Variants in PTP4A1 observed in about 807,000 individuals in gnomAD.
The protein encoded by PTP4A1 is protein tyrosine phosphatase type IVA 1.
PTP4A1 carries 9 observed loss-of-function variants against 20.5 expected under a neutral mutation model. The ratio of observed to expected loss-of-function variants is 0.44; its 90% CI spans 0.26 to 0.77. The LOEUF (loss-of-function observed/expected upper bound fraction) is 0.77, where lower values mean the gene tolerates loss of function less well. Ranked by LOEUF, PTP4A1 falls within the 30% of genes least tolerant of loss-of-function variation. PTP4A1 has a pLI of 0.19. For missense variants in PTP4A1, 137 were observed against 218.8 expected (o/e 0.63, Z 2.36); for synonymous variants, 78 against 67.4 (o/e 1.16, Z -0.77).
intron 2 of PTP4A1, chr6:63,549,165 A>G (rs751148058): frequency 1.5e-6 from 1 of 686,058 alleles, no homozygotes. Flanking sequence ...GGCCAGGGCC[A>G]ACAGCCTCTG....
chr6:63,533,907 G>A (rs1775587522), intron 2 of PTP4A1, among the ~76,000 whole-genome samples: 1 of 149,722 alleles, frequency 6.7e-6, no homozygotes, highest in South Asian at 2.1e-4. Context: ...TCAGTGGTGT[G>A]ATCTCGGCTC....
chr6:63,547,663 G>A (rs763980901), intron 2 of PTP4A1, among the ~76,000 whole-genome samples: 4 of 150,998 alleles, frequency 2.6e-5, no homozygotes, highest in Non-Finnish European at 4.4e-5. Context: ...CCACCACCAC[G>A]CCTGGCTAAT....
intron 3 of PTP4A1, among the ~76,000 whole-genome samples, chr6:63,563,039 T>A (rs1287249552): frequency 6.6e-6 from 1 of 152,236 alleles, no homozygotes; most frequent in African/African-American, 2.4e-5. Flanking sequence ...TCCATATTTC[T>A]AATCTCTCCA....
intron 2 of PTP4A1, among the ~76,000 whole-genome samples, chr6:63,540,644 A>G (rs1447346016): frequency 1.3e-5 from 2 of 151,762 alleles, no homozygotes; most frequent in Non-Finnish European, 2.9e-5. Context: ...AAAAGAAAAG[A>G]AAAAAGAAAA....
rs1056843513 is a variant in PTP4A1, at chr6:63,582,495, T to C, written c.*2321T>C. On this transcript the variant is annotated 3_prime_UTR_variant, in exon 6 of 6. Coordinates refer to ENST00000626021, the MANE Select transcript of PTP4A1 (RefSeq NM_003463.5). ...ATATTTTGTATCTTGTAAATATGGC[T>C]AATTATAGGAATGCCTATAATACAT... is the stretch of plus-strand genomic sequence containing the variant. The C allele has an allele frequency of 6.6e-6, 1 of 152,654 alleles. No individual in the cohort carries two copies. The highest frequency in any genetic ancestry group is 2.4e-5 in the African/African-American group (1 of 41,456). The allele number at this position is 152,654 out of a possible 1,614,324, so 9.5% of individuals were successfully genotyped here.
chr6:63,568,934 A>C (rs1349156217), upstream of PTP4A1, among the ~76,000 whole-genome samples: 2 of 151,972 alleles, frequency 1.3e-5, no homozygotes, highest in Non-Finnish European at 2.9e-5. Context: ...CCTCTATTAC[A>C]TATATTTGCT....
chr6:63,552,617 T>C (rs1028747375), intron 3 of PTP4A1, among the ~76,000 whole-genome samples: 3 of 152,256 alleles, frequency 2.0e-5, no homozygotes, highest in Admixed American at 6.5e-5. Flanking sequence ...CCCATGCCTA[T>C]GTCCTGAATG....
chr6:63,539,688 G>A (rs1187721135), intron 2 of PTP4A1, among the ~76,000 whole-genome samples: 1 of 151,998 alleles, frequency 6.6e-6, no homozygotes, highest in Non-Finnish European at 1.5e-5. Flanking sequence ...GGAATTGCTT[G>A]AACCCGGGAG....
At chr6:63,529,887 A>C (rs530272599) in intron 2 of PTP4A1, among the ~76,000 whole-genome samples, 1 of 152,354 alleles carries the variant, frequency 6.6e-6, no homozygotes, top group South Asian at 2.1e-4. Context: ...ATATGTCTGC[A>C]GTTACCAGTA....
rs1778140711 is a variant in PTP4A1, at chr6:63,580,232, ACATATTAGCCAAC to A, written c.*59_*71del. The A allele has an allele frequency of 1.5e-6, 2 of 1,331,506 alleles. No homozygotes were observed. Among genetic ancestry groups the A allele is most frequent in the East Asian group, 4.6e-5 (2 of 43,468 alleles). 82.5% of individuals were successfully genotyped at this position (1,331,506 alleles called of 1,614,324 possible). A position where few individuals can be genotyped will look rare whatever the true frequency, so the allele number is the denominator to read the frequency against. ...CTTGAGATAGGGCCTAATTTGTTAT[ACATATTAGCCAAC>A]ATGTTGGCTTAGTAAGTCTAATGAA... is the stretch of plus-strand genomic sequence containing the variant. On this transcript the variant is annotated 3_prime_UTR_variant, in exon 6 of 6. Transcript: ENST00000626021.
intron 1 of PTP4A1, among the ~76,000 whole-genome samples, chr6:63,575,216 A>T (rs181835965): frequency 9.7e-4 from 148 of 152,348 alleles, no homozygotes; most frequent in Non-Finnish European, 1.1e-3. Flanking sequence ...AAATTTAAGC[A>T]TGGAAACTAA....
At chr6:63,560,862 G>A (rs1348066587) in intron 3 of PTP4A1, among the ~76,000 whole-genome samples, 2 of 152,168 alleles carry the variant, frequency 1.3e-5, no homozygotes, top group African/African-American at 4.8e-5. Flanking sequence ...TACACTTAGA[G>A]TAGCATTAGT....
intron 2 of PTP4A1, chr6:63,549,474 ACCTTCT>A: frequency 1.3e-6 from 1 of 789,556 alleles, no homozygotes. Context: ...GGCCGGAGCC[ACCTTCT>A]TTCCCTTGGC....
chr6:63,530,088 T>C lies in PTP4A1; in HGVS notation c.-640+2004T>C, dbSNP rs181348497. On this transcript the variant is annotated intron_variant, in intron 2 of 3. Coordinates refer to the PTP4A1 transcript ENST00000639568. ...AGGGCAAGGATAATAACAGTATAGA[T>C]TTCTGAAAATGAGCCGATAGAAAAT... 4.4e-3 allele frequency among the ~76,000 whole-genome samples: 666 copies of C among 152,244 alleles called. 6 individuals carry two copies. Among genetic ancestry groups the C allele is most frequent in the Non-Finnish European group, 6.8e-3 (460 of 68,018 alleles).
In PTP4A1 at chr6:63,559,781, A is replaced by C. The variant is rs190836478; in HGVS notation, c.-446+9288A>C. Among the ~76,000 whole-genome samples the C allele has an allele frequency of 2.3e-3, 348 of 152,094 alleles. 2 individuals are homozygous for C. The highest frequency in any genetic ancestry group is 7.9e-3 in the African/African-American group (330 of 41,514). ...AAAAAAATGAATTTCACAGCCAGGC[A>C]TGGTCGTTCATGCATATAATACTAG... On this transcript the variant is annotated intron_variant, in intron 3 of 3. Coordinates refer to the PTP4A1 transcript ENST00000639568.
At position 63,572,581 on chromosome 6, in the gene PTP4A1, G is replaced by T. The variant is rs1012866929; in HGVS notation, c.-584G>T. 9.6e-6 allele frequency: 4 copies of T among 414,738 alleles called. No homozygotes were observed. The highest frequency in any genetic ancestry group is 3.5e-5 in the East Asian group (1 of 28,428). The allele number at this position is 414,738 out of a possible 1,614,324, so 25.7% of individuals were successfully genotyped here. A position where few individuals can be genotyped will look rare whatever the true frequency, so the allele number is the denominator to read the frequency against. On this transcript the variant is annotated 5_prime_UTR_variant, in exon 1 of 6. Transcript: ENST00000626021. ...GGTAGAGTCTGGTGCCCCCGCCGCC[G>T]CCTGCATCGCCGCCACCGCCGCTCC...
At chr6:63,517,872 G>A (rs2149469197), upstream of PTP4A1, among the ~76,000 whole-genome samples, 1 of 152,204 alleles carries the variant, frequency 6.6e-6, no homozygotes, top group South Asian at 2.1e-4. Flanking sequence ...ATCTCAGTAG[G>A]GCCAAGCTTG....
At chr6:63,574,234 A>G (rs1255675154) in intron 1 of PTP4A1, among the ~76,000 whole-genome samples, 2 of 152,246 alleles carry the variant, frequency 1.3e-5, no homozygotes, top group Non-Finnish European at 2.9e-5. Flanking sequence ...ATTGTTTGTG[A>G]CAAAGGAGTT....
rs775912048 is a variant in PTP4A1, at chr6:63,579,375, C to T, written c.404+44C>T. The T allele has an allele frequency of 2.1e-6, 3 of 1,446,712 alleles. No homozygotes were observed. The South Asian group carries it at 3.7e-5, about 18-fold the overall frequency. The allele number at this position is 1,446,712 out of a possible 1,614,324, so 89.6% of individuals were successfully genotyped here. A position where few individuals can be genotyped will look rare whatever the true frequency, so the allele number is the denominator to read the frequency against. ...TTTCATTTGTACTCTCTTTCATTTC[C>T]TTGTTGAGTGTCAGTGAGTTTAATA... On this transcript the variant is annotated intron_variant, in intron 5 of 5. Coordinates refer to ENST00000626021, the MANE Select transcript of PTP4A1 (RefSeq NM_003463.5).
Sources: allele counts gnomAD v4.1 joint callset (sites outside exome capture counted in the v4.1 genomes callset), GRCh38; gene constraint gnomAD v4.1.1; transcripts MANE v1.5; gene names NCBI Gene and HGNC (gene_info 2026-07-23, HGNC 2026-07-21).